RORB: variants seen among roughly 807,000 people sequenced by gnomAD.
RORB encodes nuclear receptor ROR-beta.
A neutral mutation model predicts 59.1 loss-of-function variants in RORB; 6 were observed. The ratio of observed to expected loss-of-function variants is 0.10; its 90% CI spans 0.06 to 0.20. The LOEUF (loss-of-function observed/expected upper bound fraction) is 0.20, where lower values mean the gene tolerates loss of function less well. RORB is among the 10% of genes least tolerant of loss of function. The probability of loss-of-function intolerance (pLI) is 1.00; values close to 1 mark genes in which losing one functional copy is unlikely to be tolerated. For synonymous variants in RORB, 215 were observed against 204.5 expected (o/e 1.05, Z -0.44); for missense variants, 320 against 560.5 (o/e 0.57, Z 4.33).
intron 9 of RORB, among the ~76,000 whole-genome samples, chr9:74,676,103 T>G (rs1363028136): frequency 9.9e-5 from 15 of 152,180 alleles, no homozygotes; most frequent in Admixed American, 9.8e-4. Flanking sequence ...GGATCTGTAG[T>G]GTCTTGCTCA....
intron 1 of RORB, among the ~76,000 whole-genome samples, chr9:74,592,119 G>T (rs1447604777): frequency 1.3e-5 from 2 of 152,088 alleles, no homozygotes; most frequent in Admixed American, 6.5e-5. Flanking sequence ...TACTCACTTG[G>T]ATCTCCTTGG....
At chr9:74,562,933 G>A (rs1231248581) in intron 1 of RORB, among the ~76,000 whole-genome samples, 3 of 151,944 alleles carry the variant, frequency 2.0e-5, no homozygotes, top group Non-Finnish European at 4.4e-5. Flanking sequence ...CATTTTAAGT[G>A]GAAACATGTT....
intron 1 of RORB, among the ~76,000 whole-genome samples, chr9:74,579,398 G>A (rs2118252702): frequency 6.6e-6 from 1 of 151,736 alleles, no homozygotes; most frequent in East Asian, 1.9e-4. Flanking sequence ...GTTTTAAGTT[G>A]CTGGCAGCAT....
chr9:74,517,491 C>T (rs181952467), intron 1 of RORB, among the ~76,000 whole-genome samples: 3 of 152,058 alleles, frequency 2.0e-5, no homozygotes, highest in Admixed American at 2.0e-4. Flanking sequence ...TCAGGCAGAA[C>T]CTATTTCTGA....
intron 1 of RORB, among the ~76,000 whole-genome samples, chr9:74,588,498 G>A (rs1470462953): frequency 6.6e-6 from 1 of 152,110 alleles, no homozygotes; most frequent in East Asian, 1.9e-4. Context: ...AAGAGCCAAA[G>A]CTATTGATGG....
chr9:74,653,788 C>T (rs1255492589), intron 4 of RORB, among the ~76,000 whole-genome samples: 4 of 121,970 alleles, frequency 3.3e-5, no homozygotes, highest in Non-Finnish European at 7.0e-5. Flanking sequence ...CTTTGGAGAG[C>T]GCCATTTGCT....
intron 1 of RORB, among the ~76,000 whole-genome samples, chr9:74,619,364 G>A (rs2118379865): frequency 6.6e-6 from 1 of 152,316 alleles, no homozygotes; most frequent in African/African-American, 2.4e-5. Flanking sequence ...GTAAACATGT[G>A]TGGCTGTAGA....
intron 9 of RORB, among the ~76,000 whole-genome samples, chr9:74,676,162 A>T (rs1824438071): frequency 6.6e-6 from 1 of 152,196 alleles, no homozygotes; most frequent in Non-Finnish European, 1.5e-5. Context: ...AATGCAGCCT[A>T]CAGGTCAGGC....
chr9:74,608,854 T>C (rs1823189986), intron 1 of RORB, among the ~76,000 whole-genome samples: 1 of 152,218 alleles, frequency 6.6e-6, no homozygotes, highest in Non-Finnish European at 1.5e-5. Context: ...GATTAACCCA[T>C]TCTTTCAGCC....
At chr9:74,662,158 C>T (rs1824198427) in intron 5 of RORB, among the ~76,000 whole-genome samples, 1 of 151,862 alleles carries the variant, frequency 6.6e-6, no homozygotes, top group Non-Finnish European at 1.5e-5. Context: ...ACTCAGATTT[C>T]GTTTAGGTGA....
intron 1 of RORB, among the ~76,000 whole-genome samples, chr9:74,522,794 A>G (rs1357788522): frequency 1.3e-5 from 2 of 151,884 alleles, no homozygotes; most frequent in Non-Finnish European, 2.9e-5. Context: ...CTGTACCCAG[A>G]TAATCAACCA....
chr9:74,618,800 T>C (rs542128382), intron 1 of RORB, among the ~76,000 whole-genome samples: 34 of 152,162 alleles, frequency 2.2e-4, no homozygotes, highest in Admixed American at 7.9e-4. Context: ...CAAAGGTTAT[T>C]GTCCCAACCT....
At chr9:74,682,654 C>T (rs1344331466) in intron 9 of RORB, among the ~76,000 whole-genome samples, 1 of 152,162 alleles carries the variant, frequency 6.6e-6, no homozygotes, top group Admixed American at 6.5e-5. Flanking sequence ...GCACATGGAA[C>T]CTTTCCTCTC....
chr9:74,620,830 T>G (rs1368472210), intron 1 of RORB, among the ~76,000 whole-genome samples: 1 of 152,212 alleles, frequency 6.6e-6, no homozygotes, highest in East Asian at 1.9e-4. Context: ...GAGCAGGTTG[T>G]TCAGTTTCCA....
At chr9:74,554,757 G>A (rs1244250893) in intron 1 of RORB, among the ~76,000 whole-genome samples, 1 of 152,146 alleles carries the variant, frequency 6.6e-6, no homozygotes, top group Admixed American at 6.6e-5. Context: ...TGAATATTTG[G>A]CAGCGCCAGG....
intron 1 of RORB, among the ~76,000 whole-genome samples, chr9:74,599,296 A>T (rs1156833967): frequency 6.6e-6 from 1 of 151,692 alleles, no homozygotes; most frequent in East Asian, 1.9e-4. Flanking sequence ...TGGACTCCCA[A>T]CTCCAGTCTT....
chr9:74,514,490 G>A (rs1028253708), intron 1 of RORB, among the ~76,000 whole-genome samples: 9 of 151,812 alleles, frequency 5.9e-5, no homozygotes, highest in Admixed American at 2.6e-4. Context: ...GTTGCTGACC[G>A]CCAACACTTG....
intron 1 of RORB, among the ~76,000 whole-genome samples, chr9:74,516,534 G>A (rs1351664673): frequency 6.6e-6 from 1 of 151,994 alleles, no homozygotes; most frequent in African/African-American, 2.4e-5. Context: ...TAGGGGCCTA[G>A]CGTTTGAACT....
chr9:74,624,304 T>C (rs964822230), intron 1 of RORB, among the ~76,000 whole-genome samples: 16 of 152,138 alleles, frequency 1.1e-4, no homozygotes, highest in South Asian at 4.2e-4. Context: ...CAGATGCTGA[T>C]AGACGTGAGA....
Sources: allele counts gnomAD v4.1 joint callset (sites outside exome capture counted in the v4.1 genomes callset), GRCh38; gene constraint gnomAD v4.1.1; transcripts MANE v1.5; gene names NCBI Gene and HGNC (gene_info 2026-07-23, HGNC 2026-07-21).